Variants in FAM20B observed in about 807,000 individuals in gnomAD.
FAM20B encodes FAM20B glycosaminoglycan xylosylkinase.
In FAM20B, 23 loss-of-function variants were observed where a neutral mutation model predicts 43.8. The observed-to-expected ratio is 0.53, with a 90% CI of 0.38 to 0.74. The LOEUF is 0.74. Ranked by LOEUF, FAM20B falls within the 30% of genes least tolerant of loss-of-function variation. FAM20B has a pLI of 0.00. For synonymous variants in FAM20B, 178 were observed against 192.4 expected (o/e 0.93, Z 0.62); for missense variants, 440 against 510.5 (o/e 0.86, Z 1.33).
At chr1:179,063,873 A>G in intron 4 of FAM20B, 54 bp from the exon 5 acceptor site, 1 of 1,329,310 alleles carries the variant, frequency 7.5e-7, no homozygotes, top group Non-Finnish European at 1.1e-6. Context: ...TTGGGAGAGA[A>G]CTTGGAGTCT....
intron 4 of FAM20B, among the ~76,000 whole-genome samples, chr1:179,059,897 G>A (rs1238495854): frequency 2.0e-5 from 3 of 151,756 alleles, no homozygotes; most frequent in East Asian, 1.9e-4. Context: ...ACTTGAACCC[G>A]GGAAGTGGAG....
chr1:179,043,802 A>G lies in FAM20B; in HGVS notation c.-46A>G, dbSNP rs1412165704. The G allele has an allele frequency of 1.3e-6, 2 of 1,539,396 alleles. No individual in the cohort carries two copies. Among genetic ancestry groups the G allele is most frequent in the Non-Finnish European group, 1.8e-6 (2 of 1,137,154 alleles). ...CTAACCATCACCACCAGCTCTCCTTAATACATGAGCAAGAGTGGGTCAGGG... is the reference window on the plus strand; with the variant it reads ...CTAACCATCACCACCAGCTCTCCTTGATACATGAGCAAGAGTGGGTCAGGG... On this transcript the variant is annotated 5_prime_UTR_variant, in exon 2 of 8. Coordinates refer to ENST00000263733, the MANE Select transcript of FAM20B (RefSeq NM_014864.4).
Position 179,067,804 on chromosome 1 carries a change from C to T in FAM20B, c.998+945C>T, listed in dbSNP as rs568470469. The stretch of plus-strand genomic sequence containing the variant: ...TTTGAGACAGGGTCTGCATCTGTCA[C>T]CCAGGTAGGAGTGTGGTGGTGCGAT... On this transcript the variant is annotated intron_variant, in intron 7 of 7. Coordinates refer to ENST00000263733, the MANE Select transcript of FAM20B (RefSeq NM_014864.4). 2.6e-5 allele frequency among the ~76,000 whole-genome samples: 4 copies of T among 152,090 alleles called. No individual in the cohort carries two copies. In the South Asian group the frequency reaches 8.3e-4, roughly 32 times the overall value.
chr1:179,043,730 C>A lies in FAM20B; in HGVS notation c.-118C>A. On this transcript the variant is annotated 5_prime_UTR_variant, in exon 2 of 8. Coordinates refer to ENST00000263733, the MANE Select transcript of FAM20B (RefSeq NM_014864.4). ...GGGCTTGCAGGAACTGTGGAAGGTG[C>A]ATCAGTGAAGAAATGGACCAATGTG... The A allele has an allele frequency of 9.7e-7, 1 of 1,031,240 alleles. No homozygotes were observed. Among genetic ancestry groups the A allele is most frequent in the Non-Finnish European group, 1.4e-6 (1 of 706,722 alleles). 63.9% of individuals were successfully genotyped at this position (1,031,240 alleles called of 1,614,324 possible).
At chr1:179,046,541 A>G (rs1177332229) in intron 2 of FAM20B, among the ~76,000 whole-genome samples, 2 of 152,050 alleles carry the variant, frequency 1.3e-5, no homozygotes, top group African/African-American at 2.4e-5. Flanking sequence ...AATCCTAGCT[A>G]CTCAGGAGTC....
At chr1:179,054,116 T>G (rs1651117260) in intron 3 of FAM20B, among the ~76,000 whole-genome samples, 1 of 152,076 alleles carries the variant, frequency 6.6e-6, no homozygotes, top group South Asian at 2.1e-4. Flanking sequence ...TGCTTTTTTT[T>G]TTTTAACCAA....
At chr1:179,033,034 A>G (rs1650075182) in intron 1 of FAM20B, among the ~76,000 whole-genome samples, 2 of 152,240 alleles carry the variant, frequency 1.3e-5, no homozygotes, top group Non-Finnish European at 2.9e-5. Flanking sequence ...AATAATATGC[A>G]CAGTGCCCTA....
intron 2 of FAM20B, 122 bp downstream of exon 2, chr1:179,044,346 C>T (rs888855525): frequency 7.4e-6 from 8 of 1,084,708 alleles, no homozygotes; most frequent in African/African-American, 1.6e-5. Context: ...GAGGGGTAGA[C>T]TAGATCTCTA....
rs375130792 is a variant in FAM20B at position 179,038,068 on chromosome 1, GA to G, written c.-133-5646del. Among the ~76,000 whole-genome samples the G allele has an allele frequency of 5.6e-3, 860 of 152,268 alleles. 9 individuals carry two copies. The highest frequency in any genetic ancestry group is 0.02 in the African/African-American group (817 of 41,540). ...TGGATGTGATATATTTATATAGCACGAGGGGGAGGATTTTCTTCATTCTAAA... is the reference window on the plus strand; with the variant it reads ...TGGATGTGATATATTTATATAGCACGGGGGGAGGATTTTCTTCATTCTAAA... On this transcript the variant is annotated intron_variant, in intron 1 of 7. Coordinates refer to ENST00000263733, the MANE Select transcript of FAM20B (RefSeq NM_014864.4).
At chr1:179,035,932 C>A (rs547127396) in intron 1 of FAM20B, among the ~76,000 whole-genome samples, 1 of 152,142 alleles carries the variant, frequency 6.6e-6, no homozygotes, top group Admixed American at 6.5e-5. Flanking sequence ...GAGTTCGAGA[C>A]CAGCCTGCCC....
At chr1:179,058,870 T>C (rs1017712377) in intron 4 of FAM20B, among the ~76,000 whole-genome samples, 2 of 151,988 alleles carry the variant, frequency 1.3e-5, no homozygotes, top group Non-Finnish European at 2.9e-5. Flanking sequence ...GGGAGAGCAA[T>C]TGAGAGAGAA....
chr1:179,055,496 T>C (rs1313133102), intron 4 of FAM20B, among the ~76,000 whole-genome samples: 5 of 152,256 alleles, frequency 3.3e-5, no homozygotes, highest in African/African-American at 9.6e-5. Context: ...TTTCAACTTA[T>C]AAGGCTTGGG....
the FAM20B span, among the ~76,000 whole-genome samples, chr1:179,020,706 T>C: frequency 8.5e-5 from 13 of 152,178 alleles, no homozygotes; most frequent in Admixed American, 7.9e-4. Context: ...AAAAATACCC[T>C]TGCTAGGACC....
upstream of FAM20B, among the ~76,000 whole-genome samples, chr1:179,021,266 C>A (rs974005963): frequency 6.6e-6 from 1 of 152,014 alleles, no homozygotes; most frequent in African/African-American, 2.4e-5. Flanking sequence ...CATGTGACTG[C>A]AATTACTTCA....
At chr1:179,023,409 C>G (rs1649637841), upstream of FAM20B, among the ~76,000 whole-genome samples, 2 of 152,308 alleles carry the variant, frequency 1.3e-5, no homozygotes, top group South Asian at 4.1e-4. Context: ...GGAGATTAGA[C>G]AACGACATGT....
At chr1:179,047,460 C>T (rs868088137) in intron 2 of FAM20B, among the ~76,000 whole-genome samples, 8 of 152,184 alleles carry the variant, frequency 5.3e-5, no homozygotes, top group Admixed American at 2.0e-4. Flanking sequence ...CTATACTCAG[C>T]CTTATCTTCC....
At chr1:179,037,056 T>C (rs1650271125) in intron 1 of FAM20B, among the ~76,000 whole-genome samples, 1 of 152,186 alleles carries the variant, frequency 6.6e-6, no homozygotes, top group African/African-American at 2.4e-5. Flanking sequence ...AGAGGAACAA[T>C]GGGAGTGATG....
At chr1:179,034,591 CA>C (rs1650142960) in intron 1 of FAM20B, among the ~76,000 whole-genome samples, 1 of 152,168 alleles carries the variant, frequency 6.6e-6, no homozygotes, top group South Asian at 2.1e-4. Context: ...AGACAGTCTA[CA>C]AAAAATTCAA....
chr1:179,054,416 A>G (rs890598201), intron 3 of FAM20B, 113 bp from the exon 4 acceptor site: 2 of 611,020 alleles, frequency 3.3e-6, no homozygotes, highest in African/African-American at 3.7e-5. Flanking sequence ...AGGTTTAGCT[A>G]CTAGCTAAAA....
Sources: allele counts gnomAD v4.1 joint callset (sites outside exome capture counted in the v4.1 genomes callset), GRCh38; gene constraint gnomAD v4.1.1; transcripts MANE v1.5; gene names NCBI Gene and HGNC (gene_info 2026-07-23, HGNC 2026-07-21).